The following RBFOX1 variants were observed in gnomAD, a reference collection of about 807,000 sequenced individuals.
The protein encoded by RBFOX1 is RNA binding protein fox-1 homolog 1.
A neutral mutation model predicts 57.7 loss-of-function variants in RBFOX1; 8 were observed. The observed-to-expected ratio is 0.14, with a 90% confidence interval of 0.08 to 0.25. RBFOX1 has a LOEUF of 0.25. Among genes scored for constraint, RBFOX1 ranks in the 10% least tolerant of loss-of-function variants. The probability of loss-of-function intolerance (pLI) is 1.00; values close to 1 mark genes in which losing one functional copy is unlikely to be tolerated. For missense variants in RBFOX1, 611 were observed against 548.5 expected (o/e 1.11, Z -1.14); for synonymous variants, 326 against 222.4 (o/e 1.47, Z -4.15).
At chr16:6,582,724 C>T (rs1417183279) in intron 2 of RBFOX1, among the ~76,000 whole-genome samples, 1 of 151,818 alleles carries the variant, frequency 6.6e-6, no homozygotes, top group Non-Finnish European at 1.5e-5. Context: ...TTCTTCCTCT[C>T]CTGACCGCTC....
intron 3 of RBFOX1, among the ~76,000 whole-genome samples, chr16:5,798,871 T>C (rs2151748800): frequency 6.6e-6 from 1 of 152,142 alleles, no homozygotes; most frequent in African/African-American, 2.4e-5. Flanking sequence ...TGGGTGTAGC[T>C]CAGAGGTACG....
chr16:6,878,395 T>A (rs1264205893), intron 3 of RBFOX1, among the ~76,000 whole-genome samples: 1 of 152,196 alleles, frequency 6.6e-6, no homozygotes. Context: ...GCTAGAAATA[T>A]TTCAGATGAT....
chr16:6,972,923 A>G (rs1189092675), intron 3 of RBFOX1, among the ~76,000 whole-genome samples: 1 of 152,206 alleles, frequency 6.6e-6, no homozygotes, highest in Non-Finnish European at 1.5e-5. Context: ...CAGGAGTTCG[A>G]GGCCAACTTG....
intron 4 of RBFOX1, among the ~76,000 whole-genome samples, chr16:7,230,752 A>T (rs1043119721): frequency 6.6e-6 from 1 of 152,172 alleles, no homozygotes; most frequent in African/African-American, 2.4e-5. Flanking sequence ...CAAATGCATG[A>T]ATTTACACAA....
chr16:6,632,004 A>G, intron 2 of RBFOX1, among the ~76,000 whole-genome samples: 1 of 152,150 alleles, frequency 6.6e-6, no homozygotes, highest in South Asian at 2.1e-4. Context: ...TTAGGGTTTC[A>G]AATAGAGAAA....
intron 3 of RBFOX1, among the ~76,000 whole-genome samples, chr16:6,916,886 G>C (rs376245642): frequency 1.8e-4 from 28 of 152,032 alleles, no homozygotes; most frequent in African/African-American, 6.5e-4. Flanking sequence ...GTCTCTCTCT[G>C]TTGCCCAGGC....
chr16:6,308,118 A>G (rs940729227), intron 1 of RBFOX1, among the ~76,000 whole-genome samples: 16 of 151,564 alleles, frequency 1.1e-4, no homozygotes, highest in Middle Eastern at 3.4e-3. Context: ...ACATACTTTT[A>G]TAAATGATAA....
chr16:5,999,597 C>T (rs930737890), intron 4 of RBFOX1, among the ~76,000 whole-genome samples: 5 of 152,226 alleles, frequency 3.3e-5, no homozygotes, highest in Middle Eastern at 3.4e-3. Flanking sequence ...CTTGGTGGCT[C>T]ACGCCTGTAA....
intron 3 of RBFOX1, among the ~76,000 whole-genome samples, chr16:6,997,919 T>C (rs2153626832): frequency 6.6e-6 from 1 of 152,164 alleles, no homozygotes; most frequent in East Asian, 1.9e-4. Flanking sequence ...TAGAAAAAGG[T>C]TAAAAGAATT....
intron 4 of RBFOX1, among the ~76,000 whole-genome samples, chr16:7,377,210 C>G (rs1210817117): frequency 6.6e-6 from 1 of 152,174 alleles, no homozygotes; most frequent in Non-Finnish European, 1.5e-5. Flanking sequence ...CTATTCCATT[C>G]ATGGAGATTT....
intron 4 of RBFOX1, among the ~76,000 whole-genome samples, chr16:7,485,107 A>T (rs1272435426): frequency 6.6e-6 from 1 of 152,046 alleles, no homozygotes; most frequent in Non-Finnish European, 1.5e-5. Flanking sequence ...AGATAAAGAG[A>T]AGTCTTATTC....
At chr16:7,458,676 A>AT (rs1355138262) in intron 4 of RBFOX1, among the ~76,000 whole-genome samples, 2 of 151,738 alleles carry the variant, frequency 1.3e-5, no homozygotes, top group East Asian at 1.9e-4. Context: ...CTAGAATGCA[A>AT]TTTTTTTCAA....
intron 3 of RBFOX1, among the ~76,000 whole-genome samples, chr16:5,730,973 T>C (rs1191363463): frequency 1.4e-5 from 2 of 148,138 alleles, no homozygotes; most frequent in Non-Finnish European, 3.1e-5. Flanking sequence ...TCATCATCGT[T>C]ACCGTCACTA....
intron 4 of RBFOX1, chr16:7,423,026 G>A (rs1031774721): frequency 6.6e-6 from 1 of 152,088 alleles, no homozygotes; most frequent in Admixed American, 6.6e-5. Flanking sequence ...CTTCACACCT[G>A]GGGTGAGTTT....
At chr16:6,223,336 A>T (rs1190179729) in intron 1 of RBFOX1, among the ~76,000 whole-genome samples, 1 of 149,514 alleles carries the variant, frequency 6.7e-6, no homozygotes, top group Non-Finnish European at 1.5e-5. Context: ...AAGTGTTCCT[A>T]TTTCTCCACA....
intron 1 of RBFOX1, among the ~76,000 whole-genome samples, chr16:6,119,035 T>C (rs1452358156): frequency 6.6e-6 from 1 of 151,600 alleles, no homozygotes; most frequent in African/African-American, 2.4e-5. Flanking sequence ...TTTTGATCTT[T>C]CATGACTTTG....
intron 3 of RBFOX1, among the ~76,000 whole-genome samples, chr16:6,949,067 A>G (rs1055904791): frequency 3.3e-5 from 5 of 152,224 alleles, no homozygotes; most frequent in African/African-American, 1.2e-4. Flanking sequence ...GAGTAAGGAC[A>G]AAGCTATTGT....
At chr16:5,924,329 C>G (rs566016675) in intron 4 of RBFOX1, among the ~76,000 whole-genome samples, 2 of 152,196 alleles carry the variant, frequency 1.3e-5, no homozygotes, top group African/African-American at 2.4e-5. Flanking sequence ...CCCTCCAAAC[C>G]TCATGTTAAA....
At chr16:6,775,553 C>G (rs1391050373) in intron 3 of RBFOX1, among the ~76,000 whole-genome samples, 2 of 152,104 alleles carry the variant, frequency 1.3e-5, no homozygotes, top group East Asian at 1.9e-4. Context: ...CAGTCCATCT[C>G]TTTGAATTAA....
Sources: gnomAD v4.1 joint callset for allele counts (sites outside exome capture counted in the v4.1 genomes callset) on GRCh38, gnomAD v4.1.1 for gene constraint, MANE v1.5 for transcripts, NCBI Gene and HGNC (gene_info 2026-07-23, HGNC 2026-07-21) for gene names.